CSMD1: variants seen among roughly 807,000 people sequenced by gnomAD.
CSMD1 encodes CUB and sushi domain-containing protein 1.
A neutral mutation model predicts 417.5 loss-of-function variants in CSMD1; 213 were observed. The ratio of observed to expected loss-of-function variants is 0.51; its 90% CI spans 0.46 to 0.57. The LOEUF (loss-of-function observed/expected upper bound fraction) is 0.57, where lower values mean the gene tolerates loss of function less well. CSMD1 is among the 20% of genes least tolerant of loss of function. The probability of loss-of-function intolerance (pLI) is 0.00; values close to 1 mark genes in which losing one functional copy is unlikely to be tolerated. For missense variants in CSMD1, 6,923 were observed against 4,529.7 expected, an observed-to-expected ratio of 1.53 and a Z score of -15.17; for synonymous variants, 2,862 against 1,736.8, an observed-to-expected ratio of 1.65 and a Z score of -16.11.
At chr8:3,960,828 C>T (rs1812275990) in intron 5 of CSMD1, among the ~76,000 whole-genome samples, 1 of 151,786 alleles carries the variant, frequency 6.6e-6, no homozygotes, top group African/African-American at 2.4e-5. Context: ...ATTAAAATTA[C>T]CTTGCAATCG....
chr8:4,958,645 C>T (rs1219822285), intron 1 of CSMD1, among the ~76,000 whole-genome samples: 1 of 152,092 alleles, frequency 6.6e-6, no homozygotes, highest in Non-Finnish European at 1.5e-5. Context: ...TCTATGTGAA[C>T]CAGTCTTTCT....
rs138053022 is a variant in CSMD1, at chr8:3,223,299, T to G, written c.4484+430A>C. On this transcript the variant is annotated intron_variant, in intron 28 of 69. Transcript: ENST00000635120. ...GAAACTTTCATTTTCCAGGCTCTAT[T>G]AAGTCTTAATTTTATAATGATATTA... Among the ~76,000 whole-genome samples, 297 of 152,248 alleles carry G rather than the reference T, an allele frequency of 2.0e-3. 2 individuals carry two copies. Among genetic ancestry groups the G allele is most frequent in the African/African-American group, 6.8e-3 (282 of 41,540 alleles).
chr8:3,819,516 A>T (rs1376417918), intron 5 of CSMD1, among the ~76,000 whole-genome samples: 1 of 146,758 alleles, frequency 6.8e-6, no homozygotes, highest in South Asian at 2.3e-4. Context: ...CTGGAGCTCA[A>T]AAGCGAAGGT....
chr8:3,421,296 A>C (rs944850596), intron 12 of CSMD1, among the ~76,000 whole-genome samples: 6 of 152,298 alleles, frequency 3.9e-5, no homozygotes, highest in African/African-American at 4.8e-5. Flanking sequence ...CTCCACAAGG[A>C]AACAGTTGGA....
At chr8:3,627,811 T>A (rs1452151019) in intron 7 of CSMD1, among the ~76,000 whole-genome samples, 1 of 152,232 alleles carries the variant, frequency 6.6e-6, no homozygotes, top group African/African-American at 2.4e-5. Context: ...TTTATTTAGC[T>A]GATAAATATA....
intron 3 of CSMD1, among the ~76,000 whole-genome samples, chr8:4,186,591 G>C (rs1422616844): frequency 6.6e-6 from 1 of 152,158 alleles, no homozygotes; most frequent in African/African-American, 2.4e-5. Flanking sequence ...CATTGCTAAT[G>C]TCAAATCAGC....
chr8:3,317,482 C>T (rs535142133), intron 23 of CSMD1, among the ~76,000 whole-genome samples: 23 of 152,250 alleles, frequency 1.5e-4, no homozygotes, highest in South Asian at 8.3e-4. Context: ...TTTTCTATTA[C>T]GTTTTCTATT....
chr8:3,396,100 GCA>G, intron 17 of CSMD1, 92 bp downstream of exon 17: 2 of 1,063,994 alleles, frequency 1.9e-6, no homozygotes, highest in Non-Finnish European at 2.8e-6. Context: ...CAGTAAACTA[GCA>G]CAGTCATCTG....
intron 1 of CSMD1, among the ~76,000 whole-genome samples, chr8:4,693,002 C>G (rs760442038): frequency 1.3e-5 from 2 of 152,162 alleles, no homozygotes; most frequent in Admixed American, 1.3e-4. Context: ...CAAAGCTCAT[C>G]ATGGGAAAAC....
chr8:4,334,250 T>C (rs919687794), intron 3 of CSMD1, among the ~76,000 whole-genome samples: 4 of 152,142 alleles, frequency 2.6e-5, no homozygotes, highest in Admixed American at 2.6e-4. Context: ...ATGTGTATGA[T>C]AAGGTGCTTA....
At chr8:4,036,307 A>T (rs1797614011) in intron 3 of CSMD1, among the ~76,000 whole-genome samples, 1 of 150,948 alleles carries the variant, frequency 6.6e-6, no homozygotes, top group Non-Finnish European at 1.5e-5. Context: ...CTCCCACTTT[A>T]TCATCTACAG....
At chr8:3,586,462 A>T (rs1361213750) in intron 8 of CSMD1, among the ~76,000 whole-genome samples, 1 of 152,174 alleles carries the variant, frequency 6.6e-6, no homozygotes, top group Admixed American at 6.5e-5. Context: ...TTGGGTTCAG[A>T]TTCCTGTTGT....
chr8:4,130,062 G>A (rs754442784), intron 3 of CSMD1, among the ~76,000 whole-genome samples: 13 of 152,104 alleles, frequency 8.5e-5, no homozygotes, highest in East Asian at 1.9e-4. Context: ...GAAAATGATC[G>A]AACCTCCTGA....
At chr8:3,364,897 G>A (rs1809451649) in intron 20 of CSMD1, among the ~76,000 whole-genome samples, 1 of 152,232 alleles carries the variant, frequency 6.6e-6, no homozygotes, top group Non-Finnish European at 1.5e-5. Context: ...AAGAGTTACT[G>A]TCAGACCTGT....
chr8:4,366,911 A>G (rs1047741266), intron 3 of CSMD1, among the ~76,000 whole-genome samples: 1 of 151,182 alleles, frequency 6.6e-6, no homozygotes, highest in South Asian at 2.1e-4. Context: ...TCGTTTGCTG[A>G]TTTGTCTAAG....
At chr8:3,407,094 G>C (rs75338671) in intron 14 of CSMD1, among the ~76,000 whole-genome samples, 116 of 152,230 alleles carry the variant, frequency 7.6e-4, no homozygotes, top group African/African-American at 2.7e-3. Flanking sequence ...AAGATGAATG[G>C]AGGGATGGAT....
intron 4 of CSMD1, among the ~76,000 whole-genome samples, chr8:4,013,077 G>A (rs539535510): frequency 2.0e-5 from 3 of 152,200 alleles, no homozygotes; most frequent in East Asian, 1.9e-4. Flanking sequence ...TAAGTAGCCA[G>A]AGTAATCCTC....
intron 1 of CSMD1, among the ~76,000 whole-genome samples, chr8:4,762,455 A>T (rs1812175417): frequency 1.3e-5 from 2 of 152,172 alleles, no homozygotes; most frequent in Admixed American, 1.3e-4. Context: ...CAAGCATCTC[A>T]GTTATTTAAC....
At chr8:4,170,927 G>C (rs774638381) in intron 3 of CSMD1, among the ~76,000 whole-genome samples, 1 of 151,822 alleles carries the variant, frequency 6.6e-6, no homozygotes, top group Non-Finnish European at 1.5e-5. Context: ...TCCAATGCCT[G>C]TACAAGCTGT....
Sources: gnomAD v4.1 joint callset for allele counts (sites outside exome capture counted in the v4.1 genomes callset) on GRCh38, gnomAD v4.1.1 for gene constraint, MANE v1.5 for transcripts, NCBI Gene and HGNC (gene_info 2026-07-23, HGNC 2026-07-21) for gene names.